PIEZO2: variants seen among roughly 807,000 people sequenced by gnomAD.
The protein encoded by PIEZO2 is piezo type mechanosensitive ion channel component 2.
A neutral mutation model predicts 337.3 loss-of-function variants in PIEZO2; 172 were observed. That is an observed-to-expected ratio of 0.51 (90% CI 0.45 to 0.58). PIEZO2 has a LOEUF of 0.58. Among genes scored for constraint, PIEZO2 ranks in the 20% least tolerant of loss-of-function variants. The pLI, the probability that PIEZO2 is intolerant of heterozygous loss-of-function variation, is 0.00. For missense variants in PIEZO2, 3,028 were observed against 3,391.3 expected (o/e 0.89, Z 2.66); for synonymous variants, 1,251 against 1,228.5 (o/e 1.02, Z -0.38).
intron 48 of PIEZO2, among the ~76,000 whole-genome samples, chr18:10,690,123 C>T (rs2034741508): frequency 6.6e-6 from 1 of 152,122 alleles, no homozygotes; most frequent in Non-Finnish European, 1.5e-5. Flanking sequence ...GACCCTTGGC[C>T]ATGCGGTGCT....
chr18:10,780,445 G>A, intron 17 of PIEZO2, 79 bp from the exon 18 acceptor site: 2 of 698,300 alleles, frequency 2.9e-6, no homozygotes, highest in Admixed American at 4.0e-5. Context: ...GTTAGACAGA[G>A]ACGAACAAAG....
Position 10,736,639 on chromosome 18 carries a change from C to G in PIEZO2, c.4780G>C (p.Glu1594Gln). The change falls in exon 34 of 56, where the codon GAA becomes CAA. Residue 1594 changes from glutamate to glutamine, a missense_variant. Physicochemically the swap from Glu to Gln is conservative, Grantham distance 29 (BLOSUM62 2). Coordinates refer to ENST00000674853, the MANE Select transcript of PIEZO2 (RefSeq NM_001378183.1). ...EEEEEEELKK[E>Q]DEEPPRRSAF... is the part of the protein sequence containing the mutation. Reference sequence around the variant, plus strand: ...GACCTTCGTGGAGGTTCTTCATCTTCCTTCTTTAATTCTTCCTCTTCCTCC... The same window carrying G: ...GACCTTCGTGGAGGTTCTTCATCTTGCTTCTTTAATTCTTCCTCTTCCTCC... 2 of 1,537,124 alleles carry G rather than the reference C, an allele frequency of 1.3e-6. No individual in the cohort carries two copies. Among genetic ancestry groups the G allele is most frequent in the South Asian group, 2.4e-5 (2 of 84,056 alleles).
intron 7 of PIEZO2, among the ~76,000 whole-genome samples, chr18:10,849,641 A>G (rs1364388362): frequency 6.6e-6 from 1 of 152,194 alleles, no homozygotes; most frequent in Non-Finnish European, 1.5e-5. Flanking sequence ...GCATGAGGAT[A>G]TGCACACCTC....
At chr18:10,792,981 C>T (rs1288964915) in intron 13 of PIEZO2, among the ~76,000 whole-genome samples, 1 of 152,326 alleles carries the variant, frequency 6.6e-6, no homozygotes, top group East Asian at 1.9e-4. Context: ...TCTGGCTGGG[C>T]ACTATGGCTC....
intron 17 of PIEZO2, among the ~76,000 whole-genome samples, chr18:10,780,669 C>CTTTTTT (rs11392739): frequency 3.8e-5 from 5 of 131,362 alleles, no homozygotes; most frequent in African/African-American, 8.6e-5. Flanking sequence ...TTTAAGGTAC[C>CTTTTTT]TTTTTTTTTT....
At chr18:10,913,505 C>A (rs1243985340) in intron 3 of PIEZO2, among the ~76,000 whole-genome samples, 1 of 152,104 alleles carries the variant, frequency 6.6e-6, no homozygotes. Flanking sequence ...ACTGTTTTCT[C>A]AGATATTTTC....
At chr18:10,792,766 T>G (rs1430529104) in intron 13 of PIEZO2, among the ~76,000 whole-genome samples, 1 of 152,184 alleles carries the variant, frequency 6.6e-6, no homozygotes, top group African/African-American at 2.4e-5. Context: ...GGACAGATGG[T>G]TTCAATCCTC....
At chr18:11,011,946 A>C (rs1350775734) in intron 2 of PIEZO2, among the ~76,000 whole-genome samples, 1 of 152,198 alleles carries the variant, frequency 6.6e-6, no homozygotes, top group East Asian at 1.9e-4. Flanking sequence ...ACATAACTGC[A>C]CTTCTGCCTC....
At chr18:10,796,019 T>C (rs554739590) in intron 12 of PIEZO2, among the ~76,000 whole-genome samples, 18 of 152,074 alleles carry the variant, frequency 1.2e-4, no homozygotes, top group Admixed American at 7.9e-4. Context: ...GAGCTCACAA[T>C]TGGAAGGTGC....
chr18:10,725,572 T>A (rs2036501036), intron 36 of PIEZO2: 1 of 1,365,120 alleles, frequency 7.3e-7, no homozygotes, highest in African/African-American at 1.5e-5. Context: ...CCCCTGTCCC[T>A]CCTGAGGTCG....
chr18:11,039,056 A>C (rs1199253781), intron 2 of PIEZO2, among the ~76,000 whole-genome samples: 2 of 152,248 alleles, frequency 1.3e-5, no homozygotes, highest in Non-Finnish European at 2.9e-5. Context: ...AAGCTCAGGC[A>C]GTCTGTAAGA....
In PIEZO2 at chr18:11,032,418, C is replaced by A. The variant is rs2036775132; in HGVS notation, c.160+33709G>T. Among the ~76,000 whole-genome samples, 1 of 152,170 alleles carries A rather than the reference C, an allele frequency of 6.6e-6. No individual in the cohort carries two copies. Among genetic ancestry groups the A allele is most frequent in the African/African-American group, 2.4e-5 (1 of 41,434 alleles). ...ATATCCTTACTTCACCTGGGAATAA[C>A]GATTTACTGAATTTCAGCTCTTGCT... On this transcript the variant is annotated intron_variant, in intron 2 of 55. Coordinates refer to ENST00000674853, the MANE Select transcript of PIEZO2 (RefSeq NM_001378183.1). The surrounding 1 kb of genome is among the most constrained non-coding windows in gnomAD (Gnocchi z 4.9).
Position 11,111,840 on chromosome 18 carries a change from A to G in PIEZO2, c.64+36685T>C, listed in dbSNP as rs561869279. On this transcript the variant is annotated intron_variant, in intron 1 of 55. Transcript: ENST00000674853. The surrounding 1 kb of genome is among the most constrained non-coding windows in gnomAD (Gnocchi z 6.2). Reference sequence around the variant, plus strand: ...ATTCTTGATGAGAAGCAACTTAAATATTACTTTTAGATGTAAACAACCATG... The same window carrying G: ...ATTCTTGATGAGAAGCAACTTAAATGTTACTTTTAGATGTAAACAACCATG... Among the ~76,000 whole-genome samples, 13 of 152,294 alleles carry G rather than the reference A, an allele frequency of 8.5e-5. No individual in the cohort carries two copies. Among genetic ancestry groups the G allele is most frequent in the African/African-American group, 2.9e-4 (12 of 41,570 alleles).
At chr18:10,955,133 CA>C (rs2033462456) in intron 3 of PIEZO2, among the ~76,000 whole-genome samples, 1 of 152,118 alleles carries the variant, frequency 6.6e-6, no homozygotes, top group African/African-American at 2.4e-5. Flanking sequence ...TCCAGGAGAA[CA>C]AAAGTTTCCT....
intron 2 of PIEZO2, among the ~76,000 whole-genome samples, chr18:10,989,811 G>GA (rs1252936429): frequency 6.6e-6 from 1 of 151,982 alleles, no homozygotes; most frequent in African/African-American, 2.4e-5. Context: ...CCACAGATTA[G>GA]AAAAAAATCA....
rs1282462832 is a variant in PIEZO2 at position 10,746,648 on chromosome 18, G to A, written c.4424+1823C>T. On this transcript the variant is annotated intron_variant, in intron 30 of 55. Coordinates refer to ENST00000674853, the MANE Select transcript of PIEZO2 (RefSeq NM_001378183.1). The surrounding 1 kb of genome is among the most constrained non-coding windows in gnomAD (Gnocchi z 4.2). ...GACGGACAGGAGGTAAGGCCTTTTG[G>A]AGTAGATTGAGTGGGAAAGCAGAGC... 1.3e-5 allele frequency among the ~76,000 whole-genome samples: 2 copies of A among 152,160 alleles called. No homozygotes were observed. Among genetic ancestry groups the A allele is most frequent in the Non-Finnish European group, 2.9e-5 (2 of 68,030 alleles).
At chr18:11,004,993 A>C (rs1403413728) in intron 2 of PIEZO2, among the ~76,000 whole-genome samples, 1 of 152,224 alleles carries the variant, frequency 6.6e-6, no homozygotes, top group Non-Finnish European at 1.5e-5. Flanking sequence ...TATCATAATA[A>C]ATGCAAATCA....
intron 1 of PIEZO2, among the ~76,000 whole-genome samples, chr18:11,118,592 G>A (rs1367645472): frequency 6.6e-6 from 1 of 152,172 alleles, no homozygotes; most frequent in Non-Finnish European, 1.5e-5. Flanking sequence ...CCATCAAGAA[G>A]TGGAATGAAA....
intron 2 of PIEZO2, among the ~76,000 whole-genome samples, chr18:10,981,140 GTA>G (rs952317841): frequency 6.6e-6 from 1 of 151,616 alleles, no homozygotes; most frequent in Admixed American, 6.6e-5. Flanking sequence ...AACATTAATC[GTA>G]TATATATATG....
Sources: allele counts gnomAD v4.1 joint callset (sites outside exome capture counted in the v4.1 genomes callset), GRCh38; gene constraint gnomAD v4.1.1; non-coding constraint Gnocchi (gnomAD v3.1); transcripts MANE v1.5; gene names NCBI Gene and HGNC (gene_info 2026-07-23, HGNC 2026-07-21).